Variants in ESRRB observed in about 807,000 individuals in gnomAD.
ESRRB encodes steroid hormone receptor ERR2.
A neutral mutation model predicts 46.0 loss-of-function variants in ESRRB; 16 were observed. The ratio of observed to expected loss-of-function variants is 0.35; its 90% CI spans 0.24 to 0.53. The LOEUF (loss-of-function observed/expected upper bound fraction) is 0.53. Among genes scored for constraint, ESRRB ranks in the 20% least tolerant of loss-of-function variants. The pLI is 0.93. For missense variants in ESRRB, 488 were observed against 607.4 expected, an observed-to-expected ratio of 0.80 and a Z score of 2.07; for synonymous variants, 246 against 259.6, an observed-to-expected ratio of 0.95 and a Z score of 0.50.
chr14:76,315,915 T>C (rs1883794368), intron 1 of ESRRB, among the ~76,000 whole-genome samples: 1 of 152,170 alleles, frequency 6.6e-6, no homozygotes, highest in Admixed American at 6.5e-5. Context: ...CTGTGACTCT[T>C]TTCCCTCTGT....
At chr14:76,391,917 G>A (rs1038748986) in intron 1 of ESRRB, among the ~76,000 whole-genome samples, 3 of 152,298 alleles carry the variant, frequency 2.0e-5, no homozygotes, top group African/African-American at 7.2e-5. Context: ...GCCTAGAGGG[G>A]CCTGAGGAAC....
At chr14:76,359,642 TA>T (rs1229330645) in intron 1 of ESRRB, among the ~76,000 whole-genome samples, 1 of 152,026 alleles carries the variant, frequency 6.6e-6, no homozygotes, top group East Asian at 1.9e-4. Flanking sequence ...GGGTACACAG[TA>T]ACCTCCTCTT....
rs758990035 is a variant in ESRRB at position 76,498,494 on chromosome 14, A to C, written c.*36A>C. 1 of 1,612,800 alleles carries C rather than the reference A, an allele frequency of 6.2e-7. No homozygotes were observed. The highest frequency in any genetic ancestry group is 1.1e-5 in the South Asian group (1 of 90,844). On this transcript the variant is annotated 3_prime_UTR_variant, in exon 7 of 7. Coordinates refer to ENST00000644823, the MANE Select transcript of ESRRB (RefSeq NM_001379180.1). The stretch of plus-strand genomic sequence containing the variant: ...CACGGACCAATGCCCACCTACAGAC[A>C]GACAAACGGACAGACCGAGGTGGAG...
rs1410140790 is a variant in ESRRB, at chr14:76,467,228, C to T, written c.577+4567C>T. ...TCCAGTGTTGGATTCAGGCTGGGTGCGGTGGCTCATGCCTGTAATCCCAGC... is the reference window on the plus strand; with the variant it reads ...TCCAGTGTTGGATTCAGGCTGGGTGTGGTGGCTCATGCCTGTAATCCCAGC... On this transcript the variant is annotated intron_variant, in intron 3 of 6. Coordinates refer to ENST00000644823, the MANE Select transcript of ESRRB (RefSeq NM_001379180.1). Among the ~76,000 whole-genome samples, 9 of 151,152 alleles carry T rather than the reference C, an allele frequency of 6.0e-5. No homozygotes were observed. In the East Asian group the frequency reaches 1.0e-3, roughly 17 times the overall value.
intron 1 of ESRRB, among the ~76,000 whole-genome samples, chr14:76,408,075 C>T (rs1435921920): frequency 2.0e-5 from 3 of 152,160 alleles, no homozygotes; most frequent in Non-Finnish European, 4.4e-5. Context: ...AGTACAGTCT[C>T]GGGGCCCTGA....
intron 1 of ESRRB, among the ~76,000 whole-genome samples, chr14:76,419,563 C>T (rs1886852412): frequency 6.6e-6 from 1 of 152,062 alleles, no homozygotes; most frequent in Non-Finnish European, 1.5e-5. Flanking sequence ...TGGGTAAGCC[C>T]CTGGTGAGAC....
chr14:76,314,031 C>A (rs939025365), intron 1 of ESRRB, among the ~76,000 whole-genome samples: 2 of 151,916 alleles, frequency 1.3e-5, no homozygotes. Context: ...AGAGTGACTC[C>A]GAATATTTAT....
At chr14:76,498,175 C>T (rs574422086) in intron 6 of ESRRB, 39 bp from the exon 7 acceptor site, 2 of 1,612,974 alleles carry the variant, frequency 1.2e-6, no homozygotes, top group African/African-American at 1.3e-5. Context: ...GGCAGCACTC[C>T]CTGGCCAAGC....
At chr14:76,465,205 T>C (rs1488535933) in intron 3 of ESRRB, among the ~76,000 whole-genome samples, 1 of 151,882 alleles carries the variant, frequency 6.6e-6, no homozygotes, top group African/African-American at 2.4e-5. Context: ...CACACATTCA[T>C]CTGAGGGGAG....
intron 1 of ESRRB, among the ~76,000 whole-genome samples, chr14:76,431,138 T>C (rs905009595): frequency 6.6e-6 from 1 of 152,018 alleles, no homozygotes; most frequent in Non-Finnish European, 1.5e-5. Context: ...TTACTAAAAA[T>C]ACAAAAATTA....
chr14:76,488,752 G>C (rs1178732950), intron 5 of ESRRB, among the ~76,000 whole-genome samples: 2 of 152,152 alleles, frequency 1.3e-5, no homozygotes, highest in African/African-American at 4.8e-5. Flanking sequence ...TCACCACCCT[G>C]CTTGACAGCT....
intron 1 of ESRRB, among the ~76,000 whole-genome samples, chr14:76,379,672 T>C (rs1053153681): frequency 1.3e-5 from 2 of 152,102 alleles, no homozygotes; most frequent in African/African-American, 4.8e-5. Context: ...CTGAAGGCGA[T>C]GAACTGGGAG....
At chr14:76,324,404 G>A (rs931625986) in intron 1 of ESRRB, among the ~76,000 whole-genome samples, 1 of 152,162 alleles carries the variant, frequency 6.6e-6, no homozygotes, top group African/African-American at 2.4e-5. Flanking sequence ...TAGCAGCTGG[G>A]GATGGGAGCA....
chr14:76,480,806 G>C (rs1283794463), intron 3 of ESRRB, among the ~76,000 whole-genome samples: 1 of 152,244 alleles, frequency 6.6e-6, no homozygotes, highest in Non-Finnish European at 1.5e-5. Flanking sequence ...GGGGCTCTGT[G>C]AGGGTGATAC....
At chr14:76,429,225 TG>T (rs1455779026) in intron 1 of ESRRB, among the ~76,000 whole-genome samples, 1 of 152,158 alleles carries the variant, frequency 6.6e-6, no homozygotes, top group African/African-American at 2.4e-5. Flanking sequence ...CAAAGCAGCC[TG>T]GCATTCTAGT....
chr14:76,381,905 G>A (rs1351776094), intron 1 of ESRRB, among the ~76,000 whole-genome samples: 2 of 152,174 alleles, frequency 1.3e-5, no homozygotes, highest in African/African-American at 2.4e-5. Context: ...GGAACATGGA[G>A]CTGCACGGTC....
chr14:76,318,483 C>T (rs1429322100), intron 1 of ESRRB, among the ~76,000 whole-genome samples: 1 of 152,144 alleles, frequency 6.6e-6, no homozygotes, highest in East Asian at 1.9e-4. Flanking sequence ...TAATGGTGAC[C>T]TCCATGAAAC....
chr14:76,362,954 C>T (rs1327265945), intron 1 of ESRRB, among the ~76,000 whole-genome samples: 1 of 152,188 alleles, frequency 6.6e-6, no homozygotes, highest in Non-Finnish European at 1.5e-5. Flanking sequence ...TAGGCAAAAA[C>T]ATTTCTGTTT....
At chr14:76,456,810 A>G (rs72731665) in intron 2 of ESRRB, among the ~76,000 whole-genome samples, 4,946 of 152,206 alleles carry the variant, frequency 0.032, 169 homozygotes, top group East Asian at 0.15. Context: ...CATCCAGCTC[A>G]TGGGTGAGGG....
Sources: allele counts gnomAD v4.1 joint callset (sites outside exome capture counted in the v4.1 genomes callset), GRCh38; gene constraint gnomAD v4.1.1; transcripts MANE v1.5; gene names NCBI Gene and HGNC (gene_info 2026-07-23, HGNC 2026-07-21).